Variants in C5orf24 observed in about 807,000 individuals in gnomAD.
The protein encoded by C5orf24 is UPF0461 protein C5orf24.
In C5orf24, 4 loss-of-function variants were observed where a neutral mutation model predicts 9.8. The observed-to-expected ratio is 0.41, with a 90% confidence interval of 0.20 to 0.93. C5orf24 has a LOEUF of 0.93. C5orf24 is among the 40% of genes least tolerant of loss of function. C5orf24 has a pLI of 0.33. For missense variants in C5orf24, 170 were observed against 236.9 expected (o/e 0.72, Z 1.85); for synonymous variants, 73 against 81.3 (o/e 0.90, Z 0.55).
At chr5:134,850,057 G>A (rs1253248555) in intron 1 of C5orf24, among the ~76,000 whole-genome samples, 3 of 152,188 alleles carry the variant, frequency 2.0e-5, no homozygotes, top group Non-Finnish European at 4.4e-5. Flanking sequence ...CTCAATAAAT[G>A]TGAGTTATGT....
the C5orf24 span, among the ~76,000 whole-genome samples, chr5:134,840,305 CAAAAAAAAAAAAA>C: frequency 7.5e-5 from 4 of 53,418 alleles, no homozygotes; most frequent in African/African-American, 2.8e-4. Context: ...GACTGCATCT[CAAAAAAAAAAAAA>C]AAAAAAAAAG....
At position 134,857,306 on chromosome 5, in the gene C5orf24, A is replaced by C. The variant is rs1756340440; in HGVS notation, c.*1839A>C. On this transcript the variant is annotated 3_prime_UTR_variant, in exon 2 of 2. Transcript: ENST00000394976. ...GTTGTGTTTTTTGGGCTTGCTATTA[A>C]TGCAAACTCTGATTGCAAATGGATG... 1 of 1,518,810 alleles carries C rather than the reference A, an allele frequency of 6.6e-7. No individual in the cohort carries two copies. The highest frequency in any genetic ancestry group is 8.9e-7 in the Non-Finnish European group (1 of 1,127,328). 94.1% of individuals were successfully genotyped at this position (1,518,810 alleles called of 1,614,324 possible).
chr5:134,834,877 C>G, the C5orf24 span, among the ~76,000 whole-genome samples: 1 of 152,028 alleles, frequency 6.6e-6, no homozygotes, highest in Non-Finnish European at 1.5e-5. Context: ...AAACCTGTCT[C>G]TACTAAAAAT....
At chr5:134,835,224 G>A in the C5orf24 span, among the ~76,000 whole-genome samples, 5 of 152,134 alleles carry the variant, frequency 3.3e-5, no homozygotes, top group South Asian at 1.0e-3. Flanking sequence ...ATATCTGGGG[G>A]TGGTAATCAT....
At chr5:134,837,468 C>T in the C5orf24 span, among the ~76,000 whole-genome samples, 1 of 152,068 alleles carries the variant, frequency 6.6e-6, no homozygotes. Context: ...GGTAGATTTT[C>T]TTATGCTCTC....
chr5:134,856,330 A>G lies in C5orf24; in HGVS notation c.*863A>G, dbSNP rs1756311677. The G allele has an allele frequency of 5.0e-6, 5 of 995,388 alleles. No homozygotes were observed. The highest frequency in any genetic ancestry group is 6.1e-6 in the Non-Finnish European group (5 of 825,598). The allele number at this position is 995,388 out of a possible 1,614,324, so 61.7% of individuals were successfully genotyped here. On this transcript the variant is annotated 3_prime_UTR_variant, in exon 2 of 2. Coordinates refer to ENST00000394976, the MANE Select transcript of C5orf24 (RefSeq NM_001135586.1). The stretch of plus-strand genomic sequence containing the variant: ...AGTCACTATATTTTGCCTTTCATAT[A>G]GAAAGTTTTAAAGTATTATGTTTAA...
intron 1 of C5orf24, among the ~76,000 whole-genome samples, chr5:134,854,029 G>C (rs1238556423): frequency 6.6e-6 from 1 of 152,188 alleles, no homozygotes; most frequent in African/African-American, 2.4e-5. Context: ...GCAGTGAGCT[G>C]AGATCGAGTC....
At chr5:134,854,117 T>G (rs116408492) in intron 1 of C5orf24, among the ~76,000 whole-genome samples, 1,924 of 152,348 alleles carry the variant, frequency 0.013, 39 homozygotes, top group African/African-American at 0.044. Context: ...TTATTATGGT[T>G]GTTATCCATA....
chr5:134,837,382 C>T, the C5orf24 span, among the ~76,000 whole-genome samples: 15 of 152,026 alleles, frequency 9.9e-5, no homozygotes, highest in African/African-American at 3.1e-4. Context: ...GCTTAAAGCA[C>T]GTAAAAATAG....
rs1441668075 is a variant in C5orf24, at chr5:134,854,931, G to C, written c.31G>C (p.Ala11Pro). Residue 11 changes from alanine to proline, a missense_variant, in exon 2 of 2, where the codon GCT becomes CCT. Transcript: ENST00000394976. MMHPVASSNPAFCGPGKPSCL... is the reference protein window; with the variant it reads MMHPVASSNPPFCGPGKPSCL... ...GCATCCTGTTGCCAGCAGTAATCCA[G>C]CTTTCTGTGGGCCTGGCAAGCCTTC... The C allele has an allele frequency of 1.2e-6, 2 of 1,613,956 alleles. No individual in the cohort carries two copies. Among genetic ancestry groups the C allele is most frequent in the African/African-American group, 1.3e-5 (1 of 74,898 alleles).
Position 134,858,552 on chromosome 5 carries a change from A to G in C5orf24, c.*3085A>G, listed in dbSNP as rs1299896918. ...TTTATACAGTGTAATTCTGTTCTTC[A>G]CAAAATAGGTTTCATTATTCTATAT... On this transcript the variant is annotated 3_prime_UTR_variant, in exon 2 of 2. Transcript: ENST00000394976. The G allele has an allele frequency of 1.2e-5, 2 of 167,030 alleles. No individual in the cohort carries two copies. Among genetic ancestry groups the G allele is most frequent in the Admixed American group, 6.5e-5 (1 of 15,292 alleles). 10.3% of individuals were successfully genotyped at this position (167,030 alleles called of 1,614,324 possible).
chr5:134,857,176 A>G lies in C5orf24; in HGVS notation c.*1709A>G. ...CTTGAAAAAATTCCACTTAACTTTA[A>G]AGTTACAATGTTTGTATTTGGGATT... On this transcript the variant is annotated 3_prime_UTR_variant, in exon 2 of 2. Coordinates refer to ENST00000394976, the MANE Select transcript of C5orf24 (RefSeq NM_001135586.1). 2 of 1,325,172 alleles carry G rather than the reference A, an allele frequency of 1.5e-6. No individual in the cohort carries two copies. The highest frequency in any genetic ancestry group is 2.3e-5 in the South Asian group (1 of 42,962). The allele number at this position is 1,325,172 out of a possible 1,614,324, so 82.1% of individuals were successfully genotyped here.
the C5orf24 span, among the ~76,000 whole-genome samples, chr5:134,838,460 C>T: frequency 4.6e-5 from 7 of 152,012 alleles, no homozygotes; most frequent in African/African-American, 1.7e-4. Context: ...CACCTGAGGT[C>T]AGTTTGAGAC....
Position 134,855,456 on chromosome 5 carries a change from C to T in C5orf24, c.556C>T (p.Pro186Ser). Residue 186 changes from proline to serine, a missense_variant, in exon 2 of 2, where the codon CCC (proline) becomes TCC (serine). Coordinates refer to ENST00000394976, the MANE Select transcript of C5orf24 (RefSeq NM_001135586.1). Reference protein sequence around the residue: ...VEETSSEVKPPNE With the variant: ...VEETSSEVKPSNE ...GGAAACTAGCAGTGAAGTCAAACCA[C>T]CCAATGAGTGAATGAGGCAGGAAAA... The T allele has an allele frequency of 1.2e-6, 2 of 1,614,056 alleles. No homozygotes were observed. The highest frequency in any genetic ancestry group is 1.7e-6 in the Non-Finnish European group (2 of 1,179,998).
chr5:134,857,479 A>C lies in C5orf24; in HGVS notation c.*2012A>C, dbSNP rs775983826. The C allele has an allele frequency of 7.0e-7, 1 of 1,436,750 alleles. No homozygotes were observed. Among genetic ancestry groups the C allele is most frequent in the Non-Finnish European group, 9.3e-7 (1 of 1,080,374 alleles). The allele number at this position is 1,436,750 out of a possible 1,614,324, so 89.0% of individuals were successfully genotyped here. A position where few individuals can be genotyped will look rare whatever the true frequency, so the allele number is the denominator to read the frequency against. ...TGGGGACTATGTGCACTGGCGTCTA[A>C]GACAGTGACCTCAACAATATTAGCT... On this transcript the variant is annotated 3_prime_UTR_variant, in exon 2 of 2. Coordinates refer to ENST00000394976, the MANE Select transcript of C5orf24 (RefSeq NM_001135586.1).
chr5:134,851,612 G>A (rs2150174523), intron 1 of C5orf24, among the ~76,000 whole-genome samples: 1 of 152,258 alleles, frequency 6.6e-6, no homozygotes, highest in East Asian at 1.9e-4. Context: ...CCAAATGACA[G>A]TGCTGCTATT....
chr5:134,835,338 G>T, the C5orf24 span, among the ~76,000 whole-genome samples: 3 of 152,156 alleles, frequency 2.0e-5, no homozygotes, highest in South Asian at 4.1e-4. Context: ...AGTGGGGTAC[G>T]TGACAGTAAT....
At chr5:134,845,622 T>G (rs1755968047), upstream of C5orf24, 1 of 152,280 alleles carries the variant, frequency 6.6e-6, no homozygotes, top group Non-Finnish European at 1.5e-5. Flanking sequence ...CATTATCACA[T>G]GATCCTGGGC....
chr5:134,858,534 A>G lies in C5orf24; in HGVS notation c.*3067A>G, dbSNP rs1019072834. On this transcript the variant is annotated 3_prime_UTR_variant, in exon 2 of 2. Coordinates refer to ENST00000394976, the MANE Select transcript of C5orf24 (RefSeq NM_001135586.1). ...GAAAGGTAAATTGCTAATTTTATACAGTGTAATTCTGTTCTTCACAAAATA... is the reference window on the plus strand; with the variant it reads ...GAAAGGTAAATTGCTAATTTTATACGGTGTAATTCTGTTCTTCACAAAATA... The G allele has an allele frequency of 1.2e-5, 2 of 167,032 alleles. No homozygotes were observed. Among genetic ancestry groups the G allele is most frequent in the Non-Finnish European group, 2.9e-5 (2 of 68,114 alleles). 10.3% of individuals were successfully genotyped at this position (167,032 alleles called of 1,614,324 possible).
Sources: allele counts gnomAD v4.1 joint callset (sites outside exome capture counted in the v4.1 genomes callset), GRCh38; gene constraint gnomAD v4.1.1; transcripts MANE v1.5; gene names NCBI Gene and HGNC (gene_info 2026-07-23, HGNC 2026-07-21).